ALG10B: variants seen among roughly 807,000 people sequenced by gnomAD.
ALG10B encodes the protein dol-P-Glc:Glc(2)Man(9)GlcNAc(2)-PP-Dol alpha-1,2-glucosyltransferase B.
Under a neutral mutation model 38.7 loss-of-function variants are expected in ALG10B, and 27 were observed. That is an observed-to-expected ratio of 0.70 (90% CI 0.51 to 0.96). ALG10B has a LOEUF of 0.96. ALG10B is among the 40% of genes least tolerant of loss of function. The pLI is 0.00. For missense variants in ALG10B, 522 were observed against 542.7 expected (o/e 0.96, Z 0.38); for synonymous variants, 177 against 193.3 (o/e 0.92, Z 0.70).
In ALG10B at chr12:38,316,808, C is replaced by G. The variant is rs534768937; in HGVS notation, c.-86C>G. On this transcript the variant is annotated 5_prime_UTR_variant, in exon 1 of 3. Transcript: ENST00000308742. Reference sequence around the variant, plus strand: ...TCTGGCTAGTCCTGTCTAGCGCGCCCATTTCGAGCCCAAGTTTCCAGCTCG... The same window carrying G: ...TCTGGCTAGTCCTGTCTAGCGCGCCGATTTCGAGCCCAAGTTTCCAGCTCG... The G allele has an allele frequency of 2.5e-6, 4 of 1,610,516 alleles. No individual in the cohort carries two copies. Among genetic ancestry groups the G allele is most frequent in the East Asian group, 4.5e-5 (2 of 44,862 alleles).
chr12:38,325,155 G>A lies in ALG10B; in HGVS notation c.*3942G>A, dbSNP rs1945733465. 6.6e-6 allele frequency: 1 copy of A among 152,188 alleles called. No individual in the cohort carries two copies. The highest frequency in any genetic ancestry group is 1.5e-5 in the Non-Finnish European group (1 of 68,006). The allele number at this position is 152,188 out of a possible 1,614,324, so 9.4% of individuals were successfully genotyped here. A position where few individuals can be genotyped will look rare whatever the true frequency, so the allele number is the denominator to read the frequency against. On this transcript the variant is annotated 3_prime_UTR_variant, in exon 3 of 3. Transcript: ENST00000308742. The stretch of plus-strand genomic sequence containing the variant: ...CAGGAATCTTTTGAACTGCGTCTAT[G>A]TATTTAAATGATTTGGAAAGATAGC...
chr12:38,324,223 G>A lies in ALG10B; in HGVS notation c.*3010G>A, dbSNP rs576943191. ...AATTTTTTCTATTTTTAGTAGAGCCGGGGTTTCACCGTGTTAGCCAGGCTG... is the reference window on the plus strand; with the variant it reads ...AATTTTTTCTATTTTTAGTAGAGCCAGGGTTTCACCGTGTTAGCCAGGCTG... On this transcript the variant is annotated 3_prime_UTR_variant, in exon 3 of 3. Coordinates refer to ENST00000308742, the MANE Select transcript of ALG10B (RefSeq NM_001013620.4). 13 of 317,464 alleles carry A rather than the reference G, an allele frequency of 4.1e-5. No individual in the cohort carries two copies. Among genetic ancestry groups the A allele is most frequent in the South Asian group, 2.1e-4 (4 of 19,144 alleles). The allele number at this position is 317,464 out of a possible 1,614,324, so 19.7% of individuals were successfully genotyped here.
chr12:38,328,459 G>T lies in ALG10B; in HGVS notation c.*7246G>T, dbSNP rs891526636. ...TCTATTTGAAAAGTTTTCCGCCAGT[G>T]ATAAAAAAAGGCTGAGCACTATCTG... On this transcript the variant is annotated 3_prime_UTR_variant, in exon 3 of 3. Coordinates refer to ENST00000308742, the MANE Select transcript of ALG10B (RefSeq NM_001013620.4). The T allele has an allele frequency of 6.6e-6, 1 of 152,016 alleles. No homozygotes were observed. The highest frequency in any genetic ancestry group is 2.4e-5 in the African/African-American group (1 of 41,412). The allele number at this position is 152,016 out of a possible 1,614,324, so 9.4% of individuals were successfully genotyped here.
rs1444039460 is a variant in ALG10B, at chr12:38,325,939, G to GA, written c.*4732dup. On this transcript the variant is annotated 3_prime_UTR_variant, in exon 3 of 3. Transcript: ENST00000308742. ...TTTTTAGTATAGAGTGAAGTGAATAGAAAAAACATCCTACATAACCGTGGC... is the reference window on the plus strand; with the variant it reads ...TTTTTAGTATAGAGTGAAGTGAATAGAAAAAAACATCCTACATAACCGTGGC... 1 of 152,190 alleles carries GA rather than the reference G, an allele frequency of 6.6e-6. No individual in the cohort carries two copies. The highest frequency in any genetic ancestry group is 1.9e-4 in the East Asian group (1 of 5,184). The allele number at this position is 152,190 out of a possible 1,614,324, so 9.4% of individuals were successfully genotyped here. A position where few individuals can be genotyped will look rare whatever the true frequency, so the allele number is the denominator to read the frequency against.
chr12:38,317,361 T>A, intron 1 of ALG10B: 1 of 469,148 alleles, frequency 2.1e-6, no homozygotes, highest in South Asian at 2.6e-5. Flanking sequence ...TGTTTTTCCT[T>A]GTCTCAGGAT....
rs1406693969 is a variant in ALG10B, at chr12:38,325,709, T to G, written c.*4496T>G. On this transcript the variant is annotated 3_prime_UTR_variant, in exon 3 of 3. Coordinates refer to ENST00000308742, the MANE Select transcript of ALG10B (RefSeq NM_001013620.4). ...ACATGGGAGTTAAGATTTTTATATT[T>G]GGTTGTGGCTCTGGGATCAATAAGG... 1 of 152,176 alleles carries G rather than the reference T, an allele frequency of 6.6e-6. No individual in the cohort carries two copies. Among genetic ancestry groups the G allele is most frequent in the East Asian group, 1.9e-4 (1 of 5,200 alleles). 9.4% of individuals were successfully genotyped at this position (152,176 alleles called of 1,614,324 possible).
In ALG10B at chr12:38,328,533, C is replaced by T. The variant is rs1945765451; in HGVS notation, c.*7320C>T. On this transcript the variant is annotated 3_prime_UTR_variant, in exon 3 of 3. Transcript: ENST00000308742. ...AGGTGGAGATATTGTGCTACATTTC[C>T]AAGTGTTGTAGTTAAACTTTTATTA... The T allele has an allele frequency of 6.6e-6, 1 of 151,286 alleles. No homozygotes were observed. Among genetic ancestry groups the T allele is most frequent in the Non-Finnish European group, 1.5e-5 (1 of 67,988 alleles). The allele number at this position is 151,286 out of a possible 1,614,324, so 9.4% of individuals were successfully genotyped here.
intron 2 of ALG10B, 99 bp from the exon 3 acceptor site, chr12:38,320,062 T>A: frequency 7.1e-7 from 1 of 1,406,146 alleles, no homozygotes; most frequent in Non-Finnish European, 9.9e-7. Context: ...TAAATAAGGT[T>A]TGAGTAGTTG....
At position 38,320,380 on chromosome 12, in the gene ALG10B, G is replaced by T; in HGVS notation, c.589G>T (p.Ala197Ser). 1.2e-6 allele frequency: 2 copies of T among 1,614,050 alleles called. No homozygotes were observed. Among genetic ancestry groups the T allele is most frequent in the African/African-American group, 1.3e-5 (1 of 75,024 alleles). Residue 197 changes from alanine (A) to serine (S), a missense_variant, in exon 3 of 3, where the codon GCA becomes TCA. Ala to Ser is a moderately conservative substitution (Grantham distance 99). Coordinates refer to ENST00000308742, the MANE Select transcript of ALG10B (RefSeq NM_001013620.4). Reference protein sequence around the residue: ...QTNIIWAVFCAGNVIAQKLTE... With the variant: ...QTNIIWAVFCSGNVIAQKLTE... ...AAATATCATCTGGGCTGTCTTCTGT[G>T]CAGGGAATGTCATTGCACAAAAGTT...
rs1945712337 is a variant in ALG10B, at chr12:38,322,506, T to C, written c.*1293T>C. ...TTATATATCAAATTATAGTTGTATA[T>C]ACTTATGAGGTACGAAGTGGCATTA... On this transcript the variant is annotated 3_prime_UTR_variant, in exon 3 of 3. Coordinates refer to ENST00000308742, the MANE Select transcript of ALG10B (RefSeq NM_001013620.4). 6.6e-6 allele frequency: 1 copy of C among 151,842 alleles called. No homozygotes were observed. Among genetic ancestry groups the C allele is most frequent in the Non-Finnish European group, 1.5e-5 (1 of 68,042 alleles). The allele number at this position is 151,842 out of a possible 1,614,324, so 9.4% of individuals were successfully genotyped here.
chr12:38,318,520 T>G, intron 2 of ALG10B, 62 bp downstream of exon 2: 1 of 1,472,132 alleles, frequency 6.8e-7, no homozygotes, highest in South Asian at 1.1e-5. Flanking sequence ...TACAATGAAT[T>G]AGTTTTATGA....
At position 38,327,098 on chromosome 12, in the gene ALG10B, G is replaced by C. The variant is rs763532647; in HGVS notation, c.*5885G>C. ...AAATTTGTATATATGTAATGTATGT[G>C]TGTGTGTATACATATAATTTCTCCT... On this transcript the variant is annotated 3_prime_UTR_variant, in exon 3 of 3. Coordinates refer to ENST00000308742, the MANE Select transcript of ALG10B (RefSeq NM_001013620.4). The C allele has an allele frequency of 6.9e-6, 1 of 144,896 alleles. No individual in the cohort carries two copies. The highest frequency in any genetic ancestry group is 1.5e-5 in the Non-Finnish European group (1 of 66,934). 9.0% of individuals were successfully genotyped at this position (144,896 alleles called of 1,614,324 possible). A position where few individuals can be genotyped will look rare whatever the true frequency, so the allele number is the denominator to read the frequency against.
chr12:38,324,329 A>G lies in ALG10B; in HGVS notation c.*3116A>G. 6.0e-6 allele frequency: 1 copy of G among 165,330 alleles called. No homozygotes were observed. Among genetic ancestry groups the G allele is most frequent in the Non-Finnish European group, 1.3e-5 (1 of 76,636 alleles). The allele number at this position is 165,330 out of a possible 1,614,324, so 10.2% of individuals were successfully genotyped here. On this transcript the variant is annotated 3_prime_UTR_variant, in exon 3 of 3. Coordinates refer to ENST00000308742, the MANE Select transcript of ALG10B (RefSeq NM_001013620.4). ...ATTACAGGCGTGAGCCACTGTGCCCAGCTCTTCTAGTTCATTTTTAAGTGT... is the reference window on the plus strand; with the variant it reads ...ATTACAGGCGTGAGCCACTGTGCCCGGCTCTTCTAGTTCATTTTTAAGTGT...
rs1474214001 is a variant in ALG10B at position 38,323,709 on chromosome 12, T to C, written c.*2496T>C. On this transcript the variant is annotated 3_prime_UTR_variant, in exon 3 of 3. Transcript: ENST00000308742. The stretch of plus-strand genomic sequence containing the variant: ...ACTCAGAAAATAGATCGGCATTAGT[T>C]ATAACAGTGATTGTAGAAAAACGTG... 1 of 584,956 alleles carries C rather than the reference T, an allele frequency of 1.7e-6. No individual in the cohort carries two copies. Among genetic ancestry groups the C allele is most frequent in the African/African-American group, 1.9e-5 (1 of 53,660 alleles). 36.2% of individuals were successfully genotyped at this position (584,956 alleles called of 1,614,324 possible). A position where few individuals can be genotyped will look rare whatever the true frequency, so the allele number is the denominator to read the frequency against.
chr12:38,317,526 T>A, intron 1 of ALG10B: 1 of 183,236 alleles, frequency 5.5e-6, no homozygotes, highest in Non-Finnish European at 1.2e-5. Flanking sequence ...ATTCCTTCCC[T>A]GGGTATTTTT....
At position 38,320,903 on chromosome 12, in the gene ALG10B, A is replaced by G. The variant is rs551343568; in HGVS notation, c.1112A>G (p.Tyr371Cys). 5.0e-6 allele frequency: 8 copies of G among 1,613,832 alleles called. No homozygotes were observed. The East Asian group carries it at 1.6e-4, about 31-fold the overall frequency. ...TTTCAAAGATATGCAATTCTGAAAT[A>G]TTTGTTAGTTCCAGCCTATATATTT... ...RVFQRYAILK[Y>C]LLVPAYIFAG... The change falls in exon 3 of 3, where the codon TAT becomes TGT. Residue 371 changes from tyrosine (Y) to cysteine (C), a missense_variant. Physicochemically the swap from Tyr to Cys is radical, Grantham distance 194 (BLOSUM62 -2). Transcript: ENST00000308742.
chr12:38,320,628 G>C lies in ALG10B; in HGVS notation c.837G>C (p.Arg279=), dbSNP rs1294048683. Residue 279 remains arginine, a synonymous_variant, in exon 3 of 3, where the codon CGG becomes CGC. Coordinates refer to ENST00000308742, the MANE Select transcript of ALG10B (RefSeq NM_001013620.4). ...VVNGGIVIGD[R]SSHEACLHFP... ...ATGGTGGAATTGTTATTGGCGATCG[G>C]AGTAGTCATGAAGCCTGTCTTCATT... 1.9e-6 allele frequency: 3 copies of C among 1,613,842 alleles called. No individual in the cohort carries two copies. In the African/African-American group the frequency reaches 4.0e-5, roughly 22 times the overall value.
Position 38,320,939 on chromosome 12 carries a change from G to A in ALG10B, c.1148G>A (p.Ser383Asn), listed in dbSNP as rs57963306. 1.3e-3 allele frequency: 2,077 copies of A among 1,613,798 alleles called. 19 individuals are homozygous for A. In the African/African-American group the frequency reaches 0.026, roughly 20 times the overall value. ...LVPAYIFAGW[S>N]IADSLKSKPI... ...CCAGCCTATATATTTGCTGGTTGGA[G>A]TATAGCTGACTCATTGAAATCAAAG... The change falls in exon 3 of 3, where the codon AGT becomes AAT. Residue 383 changes from serine (S) to asparagine (N), a missense_variant. By Grantham distance (46) the Ser-to-Asn change is conservative. Coordinates refer to ENST00000308742, the MANE Select transcript of ALG10B (RefSeq NM_001013620.4).
chr12:38,320,439 G>C lies in ALG10B; in HGVS notation c.648G>C (p.Lys216Asn), dbSNP rs200610965. Residue 216 changes from lysine (K) to asparagine (N), a missense_variant, in exon 3 of 3, where the codon AAG becomes AAC. Transcript: ENST00000308742. Reference sequence around the variant, plus strand: ...CTTGGAAAACTGAGCTACAAAAGAAGGAAGACAGACTTCCACCTATTAAAG... The same window carrying C: ...CTTGGAAAACTGAGCTACAAAAGAACGAAGACAGACTTCCACCTATTAAAG... ...TEAWKTELQK[K>N]EDRLPPIKGP... The C allele has an allele frequency of 1.3e-4, 215 of 1,614,016 alleles. No individual in the cohort carries two copies. Among genetic ancestry groups the C allele is most frequent in the Admixed American group, 9.5e-4 (57 of 59,998 alleles).
Sources: gnomAD v4.1 joint callset for allele counts on GRCh38, gnomAD v4.1.1 for gene constraint, MANE v1.5 for transcripts, NCBI Gene and HGNC (gene_info 2026-07-23, HGNC 2026-07-21) for gene names.